Variants in TPTE2 observed in about 807,000 individuals in gnomAD.
TPTE2 encodes transmembrane phosphoinositide 3-phosphatase and tensin homolog 2.
In TPTE2, 53 loss-of-function variants were observed where a neutral mutation model predicts 78.6. The ratio of observed to expected loss-of-function variants is 0.67; its 90% CI spans 0.54 to 0.85. The LOEUF is 0.85. Ranked by LOEUF, TPTE2 falls within the 40% of genes least tolerant of loss-of-function variation. The pLI, the probability that TPTE2 is intolerant of heterozygous loss-of-function variation, is 0.00. For missense variants in TPTE2, 461 were observed against 623.0 expected (o/e 0.74, Z 2.77); for synonymous variants, 175 against 206.2 (o/e 0.85, Z 1.30).
At chr13:19,555,071 C>A in the TPTE2 span, among the ~76,000 whole-genome samples, 2 of 152,300 alleles carry the variant, frequency 1.3e-5, no homozygotes, top group African/African-American at 2.4e-5. Context: ...ATGTTCCAGG[C>A]ACCTCAAGCA....
chr13:19,532,160 C>G (rs1459786946), intron 1 of TPTE2, among the ~76,000 whole-genome samples: 1 of 152,186 alleles, frequency 6.6e-6, no homozygotes, highest in Non-Finnish European at 1.5e-5. Flanking sequence ...CACTCATAGA[C>G]AGGTCTCCTG....
At chr13:19,472,261 C>T (rs985324592) in intron 6 of TPTE2, among the ~76,000 whole-genome samples, 19 of 152,274 alleles carry the variant, frequency 1.2e-4, no homozygotes, top group African/African-American at 4.6e-4. Context: ...AAACTTTCTA[C>T]ACTCCCCACC....
intron 3 of TPTE2, among the ~76,000 whole-genome samples, chr13:19,489,325 A>G (rs1880843557): frequency 6.6e-6 from 1 of 152,196 alleles, no homozygotes; most frequent in Non-Finnish European, 1.5e-5. Flanking sequence ...GGGTTGCTAC[A>G]AACCTTCAGT....
chr13:19,513,657 T>A (rs1466897802), intron 1 of TPTE2, among the ~76,000 whole-genome samples: 1 of 152,218 alleles, frequency 6.6e-6, no homozygotes, highest in African/African-American at 2.4e-5. Flanking sequence ...AAATCTATTA[T>A]TTGGCACCTG....
chr13:19,521,912 G>A (rs75659589), intron 1 of TPTE2, among the ~76,000 whole-genome samples: 5,984 of 151,934 alleles, frequency 0.039, 124 homozygotes, highest in African/African-American at 0.048. Context: ...ATCTTTCTCA[G>A]CTCTTTATTT....
At chr13:19,479,546 A>C (rs942309461) in intron 4 of TPTE2, among the ~76,000 whole-genome samples, 1 of 152,200 alleles carries the variant, frequency 6.6e-6, no homozygotes, top group Admixed American at 6.5e-5. Flanking sequence ...AAAACCAAAC[A>C]TACCAGAAAT....
intron 17 of TPTE2, among the ~76,000 whole-genome samples, chr13:19,429,867 G>A (rs1418500834): frequency 3.9e-5 from 6 of 152,080 alleles, no homozygotes; most frequent in Non-Finnish European, 8.8e-5. Context: ...TTGACTACCA[G>A]GTCCCTTTTG....
chr13:19,547,766 A>G, the TPTE2 span, among the ~76,000 whole-genome samples: 2 of 132,606 alleles, frequency 1.5e-5, no homozygotes, highest in Admixed American at 1.7e-4. Context: ...ATATGTGTAT[A>G]GTATGGTCCC....
chr13:19,471,933 C>A (rs1328938424), intron 6 of TPTE2, among the ~76,000 whole-genome samples: 10 of 152,162 alleles, frequency 6.6e-5, no homozygotes, highest in Non-Finnish European at 1.0e-4. Context: ...GATATTTTCA[C>A]TGGATACACT....
chr13:19,539,888 T>A (rs796960988), upstream of TPTE2, among the ~76,000 whole-genome samples: 6 of 152,280 alleles, frequency 3.9e-5, no homozygotes, highest in African/African-American at 1.4e-4. Context: ...CTCACGCCTG[T>A]AATCCCAGCA....
At chr13:19,499,096 T>C (rs943929250) in intron 1 of TPTE2, among the ~76,000 whole-genome samples, 10 of 152,040 alleles carry the variant, frequency 6.6e-5, no homozygotes, top group Non-Finnish European at 1.2e-4. Flanking sequence ...CAAGAAGAGC[T>C]AACTATCCTA....
At chr13:19,528,962 TA>T (rs1186623085) in intron 1 of TPTE2, among the ~76,000 whole-genome samples, 3 of 151,578 alleles carry the variant, frequency 2.0e-5, no homozygotes, top group Non-Finnish European at 4.4e-5. Context: ...CTACTAAAAA[TA>T]AAAAAATTAG....
intron 17 of TPTE2, among the ~76,000 whole-genome samples, chr13:19,427,608 A>G (rs1566034623): frequency 6.6e-6 from 1 of 152,230 alleles, no homozygotes; most frequent in African/African-American, 2.4e-5. Context: ...AAATAACAAC[A>G]GGGGTCTGTA....
intron 6 of TPTE2, among the ~76,000 whole-genome samples, chr13:19,469,389 T>C (rs990020932): frequency 8.5e-5 from 13 of 152,232 alleles, no homozygotes; most frequent in African/African-American, 3.1e-4. Context: ...TCTATGTGTC[T>C]GTTTTTATGC....
At chr13:19,478,939 C>T (rs1880143075) in intron 4 of TPTE2, among the ~76,000 whole-genome samples, 1 of 151,972 alleles carries the variant, frequency 6.6e-6, no homozygotes, top group Non-Finnish European at 1.5e-5. Flanking sequence ...TGTTCTCACT[C>T]ATAGGTGGGA....
chr13:19,431,267 C>T (rs1841788384), intron 16 of TPTE2, among the ~76,000 whole-genome samples: 2 of 151,900 alleles, frequency 1.3e-5, no homozygotes, highest in Admixed American at 6.6e-5. Context: ...CTACTTTGGC[C>T]CTACTTTAAG....
chr13:19,453,210 G>A (rs1035967942), intron 10 of TPTE2, among the ~76,000 whole-genome samples: 1 of 151,384 alleles, frequency 6.6e-6, no homozygotes, highest in Non-Finnish European at 1.5e-5. Flanking sequence ...TGTATTTTTA[G>A]TAGAGACAGG....
chr13:19,554,495 ATATG>A, the TPTE2 span, among the ~76,000 whole-genome samples: 1 of 152,086 alleles, frequency 6.6e-6, no homozygotes, highest in Non-Finnish European at 1.5e-5. Flanking sequence ...TTATATATAT[ATATG>A]TATCACAATC....
At chr13:19,462,640 T>G (rs1878997561) in intron 10 of TPTE2, among the ~76,000 whole-genome samples, 1 of 151,738 alleles carries the variant, frequency 6.6e-6, no homozygotes, top group Non-Finnish European at 1.5e-5. Flanking sequence ...CCTCCTGGGT[T>G]TAAGCAATTC....
Sources: gnomAD v4.1 joint callset for allele counts (sites outside exome capture counted in the v4.1 genomes callset) on GRCh38, gnomAD v4.1.1 for gene constraint, MANE v1.5 for transcripts, NCBI Gene and HGNC (gene_info 2026-07-23, HGNC 2026-07-21) for gene names.